The following UBASH3B variants were observed in gnomAD, a reference collection of about 807,000 sequenced individuals.
The protein encoded by UBASH3B is ubiquitin-associated and SH3 domain-containing protein B.
Under a neutral mutation model 83.4 loss-of-function variants are expected in UBASH3B, and 37 were observed. That is an observed-to-expected ratio of 0.44 (90% confidence interval 0.34 to 0.58). The LOEUF (loss-of-function observed/expected upper bound fraction) is 0.58, where lower values mean the gene tolerates loss of function less well. UBASH3B is among the 20% of genes least tolerant of loss of function. UBASH3B has a pLI of 0.01. For synonymous variants in UBASH3B, 304 were observed against 318.3 expected, an observed-to-expected ratio of 0.96 and a Z score of 0.48; for missense variants, 657 against 827.2, an observed-to-expected ratio of 0.79 and a Z score of 2.52.
chr11:122,749,593 C>T (rs1430879413), intron 1 of UBASH3B, among the ~76,000 whole-genome samples: 1 of 152,194 alleles, frequency 6.6e-6, no homozygotes. Flanking sequence ...TGACCAAGGG[C>T]CTCACAGCTA....
chr11:122,757,672 C>T lies in UBASH3B; in HGVS notation c.162-18547C>T, dbSNP rs1861302907. On this transcript the variant is annotated intron_variant, in intron 1 of 13. Coordinates refer to ENST00000284273, the MANE Select transcript of UBASH3B (RefSeq NM_032873.5). ...TCAGGAGGGGTAAGAGTTCTGAGTG[C>T]TCAGAAGCCCAATGGGAAGACAAGA... is the stretch of plus-strand genomic sequence containing the variant. Among the ~76,000 whole-genome samples, 3 of 150,122 alleles carry T rather than the reference C, an allele frequency of 2.0e-5. No individual in the cohort carries two copies. The South Asian group carries it at 6.3e-4, about 32-fold the overall frequency.
At chr11:122,751,486 G>A (rs1485790328) in intron 1 of UBASH3B, among the ~76,000 whole-genome samples, 1 of 152,192 alleles carries the variant, frequency 6.6e-6, no homozygotes, top group Non-Finnish European at 1.5e-5. Context: ...GCCAGCAGCC[G>A]GCTTCAGGGC....
At position 122,731,078 on chromosome 11, in the gene UBASH3B, C is replaced by G. The variant is rs963470318; in HGVS notation, c.162-45141C>G. Among the ~76,000 whole-genome samples, 7 of 152,300 alleles carry G rather than the reference C, an allele frequency of 4.6e-5. No individual in the cohort carries two copies. The East Asian group carries it at 1.4e-3, about 29-fold the overall frequency. On this transcript the variant is annotated intron_variant, in intron 1 of 13. Coordinates refer to ENST00000284273, the MANE Select transcript of UBASH3B (RefSeq NM_032873.5). ...CTTATCCTTGGGGATACTCAAGACT[C>G]CCAGTGGATGCCTGAAAGCGCAGAG...
rs1369483947 is a variant in UBASH3B at position 122,782,870 on chromosome 11, G to A, written c.602-183G>A. The A allele has an allele frequency of 2.6e-5, 18 of 683,496 alleles. No individual in the cohort carries two copies. The South Asian group carries it at 2.8e-4, about 11-fold the overall frequency. The allele number at this position is 683,496 out of a possible 1,614,324, so 42.3% of individuals were successfully genotyped here. A position where few individuals can be genotyped will look rare whatever the true frequency, so the allele number is the denominator to read the frequency against. On this transcript the variant is annotated intron_variant, in intron 4 of 13. Transcript: ENST00000284273. The stretch of plus-strand genomic sequence containing the variant: ...TATCTCTTGAACAGTGGCTTGATTC[G>A]GAATCTCTTGCCATCCCCTTACCCC...
At chr11:122,807,004 AT>A (rs1354093098) in intron 12 of UBASH3B, among the ~76,000 whole-genome samples, 1 of 152,148 alleles carries the variant, frequency 6.6e-6, no homozygotes, top group Non-Finnish European at 1.5e-5. Context: ...TTCACTATCA[AT>A]TTTTTAGTGA....
At chr11:122,662,957 C>T (rs1285874445) in intron 1 of UBASH3B, among the ~76,000 whole-genome samples, 1 of 149,712 alleles carries the variant, frequency 6.7e-6, no homozygotes, top group Non-Finnish European at 1.5e-5. Context: ...AAAATTCCCT[C>T]TTACGCGCTA....
intron 1 of UBASH3B, among the ~76,000 whole-genome samples, chr11:122,711,050 G>A (rs1346762626): frequency 6.6e-6 from 1 of 152,204 alleles, no homozygotes; most frequent in Non-Finnish European, 1.5e-5. Context: ...TGGGAGCCCT[G>A]TTCTCTGATG....
At chr11:122,699,548 TC>T in intron 1 of UBASH3B, among the ~76,000 whole-genome samples, 1 of 141,512 alleles carries the variant, frequency 7.1e-6, no homozygotes, top group Admixed American at 6.8e-5. Flanking sequence ...TTTCTTTCTT[TC>T]TTTCTTTCTT....
In UBASH3B at chr11:122,806,553, G is replaced by C; in HGVS notation, c.1702+37G>C. On this transcript the variant is annotated intron_variant, in intron 12 of 13. Transcript: ENST00000284273. This position sits in a 1 kb window ranked among gnomAD's most constrained non-coding sequence, Gnocchi z 4.0. ...TATTCTGAACTCCATCTGTACATAC[G>C]TGATTATTTCTCTATAATGGTTAAT... 1.3e-6 allele frequency: 2 copies of C among 1,529,864 alleles called. No individual in the cohort carries two copies. Among genetic ancestry groups the C allele is most frequent in the Non-Finnish European group, 1.7e-6 (2 of 1,147,540 alleles). 94.8% of individuals were successfully genotyped at this position (1,529,864 alleles called of 1,614,324 possible).
At chr11:122,715,623 T>C (rs185046420) in intron 1 of UBASH3B, among the ~76,000 whole-genome samples, 1 of 152,310 alleles carries the variant, frequency 6.6e-6, no homozygotes, top group African/African-American at 2.4e-5. Context: ...CCTCTTTCTA[T>C]TCTCTCCACC....
chr11:122,794,362 C>T (rs965922200), intron 6 of UBASH3B, among the ~76,000 whole-genome samples: 8 of 152,130 alleles, frequency 5.3e-5, no homozygotes, highest in South Asian at 2.1e-4. Context: ...CGCACAACCA[C>T]GCCCAGCTGA....
At position 122,777,199 on chromosome 11, in the gene UBASH3B, C is replaced by A. The variant is rs1180960274; in HGVS notation, c.391C>A (p.Gln131Lys). 6.2e-7 allele frequency: 1 copy of A among 1,613,050 alleles called. No homozygotes were observed. The highest frequency in any genetic ancestry group is 8.5e-7 in the Non-Finnish European group (1 of 1,179,496). ...HNIFPHITLCQFFMCEDSKVD... is the reference protein window; with the variant it reads ...HNIFPHITLCKFFMCEDSKVD... ...CATCTTCCCCCACATCACACTCTGC[C>A]AGTTCTTTATGGTGAGCGGCAGCGC... The change falls in exon 3 of 14, where the codon CAG (glutamine) becomes AAG (lysine). Residue 131 changes from glutamine (Q) to lysine (K), a missense_variant. By Grantham distance (53) the Gln-to-Lys change is moderately conservative. Coordinates refer to ENST00000284273, the MANE Select transcript of UBASH3B (RefSeq NM_032873.5).
At chr11:122,701,993 A>G (rs111798610) in intron 1 of UBASH3B, among the ~76,000 whole-genome samples, 2 of 152,170 alleles carry the variant, frequency 1.3e-5, no homozygotes, top group African/African-American at 4.8e-5. Flanking sequence ...TGCTGGGATT[A>G]CAAGTGTGAA....
chr11:122,774,104 G>A lies in UBASH3B; in HGVS notation c.162-2115G>A, dbSNP rs1050810115. 1.8e-4 allele frequency: 181 copies of A among 985,118 alleles called. No homozygotes were observed. In the Middle Eastern group the frequency reaches 2.1e-3, roughly 11 times the overall value. The allele number at this position is 985,118 out of a possible 1,614,324, so 61.0% of individuals were successfully genotyped here. ...GTGGCCTCTGATTGTCTAGTAAGTCGTGAGGAAACAGACAAGGCTGCAACC... is the reference window on the plus strand; with the variant it reads ...GTGGCCTCTGATTGTCTAGTAAGTCATGAGGAAACAGACAAGGCTGCAACC... On this transcript the variant is annotated intron_variant, in intron 1 of 13. Coordinates refer to ENST00000284273, the MANE Select transcript of UBASH3B (RefSeq NM_032873.5).
At chr11:122,674,379 C>CTT (rs35529594) in intron 1 of UBASH3B, among the ~76,000 whole-genome samples, 22 of 133,184 alleles carry the variant, frequency 1.7e-4, no homozygotes, top group Non-Finnish European at 1.7e-4. Flanking sequence ...CATTGTCTGT[C>CTT]TTTTTTTTTT....
At chr11:122,761,817 G>T in intron 1 of UBASH3B, among the ~76,000 whole-genome samples, 1 of 118,738 alleles carries the variant, frequency 8.4e-6, no homozygotes, top group Non-Finnish European at 1.6e-5. Flanking sequence ...TTTTGAGACA[G>T]GGTCTCACTC....
chr11:122,756,080 C>CACGT (rs1555143380), intron 1 of UBASH3B, among the ~76,000 whole-genome samples: 6,647 of 151,842 alleles, frequency 0.044, 490 homozygotes, highest in African/African-American at 0.15. Context: ...TAAGCATTAA[C>CACGT]ACGTGTTGGC....
intron 1 of UBASH3B, among the ~76,000 whole-genome samples, chr11:122,723,216 G>T (rs922319499): frequency 9.2e-5 from 14 of 152,132 alleles, no homozygotes; most frequent in African/African-American, 3.4e-4. Context: ...AATTAACCAG[G>T]CTTGGAAACC....
chr11:122,739,482 A>C (rs991226525), intron 1 of UBASH3B, among the ~76,000 whole-genome samples: 1 of 152,196 alleles, frequency 6.6e-6, no homozygotes, highest in Non-Finnish European at 1.5e-5. Context: ...TCTATCAAGT[A>C]CCTACTATAG....
Sources: allele counts gnomAD v4.1 joint callset (sites outside exome capture counted in the v4.1 genomes callset), GRCh38; gene constraint gnomAD v4.1.1; non-coding constraint Gnocchi (gnomAD v3.1); transcripts MANE v1.5; gene names NCBI Gene and HGNC (gene_info 2026-07-23, HGNC 2026-07-21).